Variants in CCM2 observed in about 807,000 individuals in gnomAD.
CCM2 encodes cerebral cavernous malformations 2 protein.
A neutral mutation model predicts 44.9 loss-of-function variants in CCM2; 25 were observed. The ratio of observed to expected loss-of-function variants is 0.56; its 90% confidence interval spans 0.41 to 0.78. CCM2 has a LOEUF of 0.78. Ranked by LOEUF, CCM2 falls within the 30% of genes least tolerant of loss-of-function variation. CCM2 has a pLI of 0.00. For missense variants in CCM2, 481 were observed against 580.6 expected, an observed-to-expected ratio of 0.83 and a Z score of 1.76; for synonymous variants, 219 against 241.1, an observed-to-expected ratio of 0.91 and a Z score of 0.85.
rs527289661 is a variant in CCM2, at chr7:45,063,915, C to T, written c.205-3C>T. ...TGGCATTTTTTTCTTCACTTTCTTT[C>T]AGTATTTAGGTCAGTTAACGTCCAT... On this transcript the variant is annotated splice_region_variant and splice_polypyrimidine_tract_variant and intron_variant, in intron 2 of 9. Coordinates refer to ENST00000258781, the MANE Select transcript of CCM2 (RefSeq NM_031443.4). 6.2e-6 allele frequency: 10 copies of T among 1,603,038 alleles called. No individual in the cohort carries two copies. Among genetic ancestry groups the T allele is most frequent in the South Asian group, 2.2e-5 (2 of 90,900 alleles).
In CCM2 at chr7:45,054,282, A is replaced by G. The variant is rs912456647; in HGVS notation, c.205-9636A>G. Among the ~76,000 whole-genome samples, 4 of 152,122 alleles carry G rather than the reference A, an allele frequency of 2.6e-5. No individual in the cohort carries two copies. In the South Asian group the frequency reaches 6.2e-4, roughly 24 times the overall value. The stretch of plus-strand genomic sequence containing the variant: ...GTGTGTGGGGGGCTTCTGTCGTACA[A>G]CAAAAGGGGATAGGTCACTTCTGTA... On this transcript the variant is annotated intron_variant, in intron 2 of 9. Coordinates refer to ENST00000258781, the MANE Select transcript of CCM2 (RefSeq NM_031443.4).
rs775824096 is a variant in CCM2, at chr7:45,068,599, C to G, written c.609+20C>G. 4 of 1,613,590 alleles carry G rather than the reference C, an allele frequency of 2.5e-6. No individual in the cohort carries two copies. The highest frequency in any genetic ancestry group is 3.4e-6 in the Non-Finnish European group (4 of 1,179,998). ...AGCAAGGTGAGACTTTCTCGCCCCACTTACTCAGAACTGGCTCCTCCCAGA... is the reference window on the plus strand; with the variant it reads ...AGCAAGGTGAGACTTTCTCGCCCCAGTTACTCAGAACTGGCTCCTCCCAGA... On this transcript the variant is annotated intron_variant, in intron 5 of 9. Transcript: ENST00000258781.
chr7:45,073,238 C>T, intron 7 of CCM2: 1 of 604,470 alleles, frequency 1.7e-6, no homozygotes, highest in Non-Finnish European at 3.0e-6. Flanking sequence ...TCTCTTCACT[C>T]AGAGCCCAAC....
At chr7:45,000,011 C>A (rs557489441), upstream of CCM2, among the ~76,000 whole-genome samples, 1 of 152,096 alleles carries the variant, frequency 6.6e-6, no homozygotes, top group East Asian at 1.9e-4. Flanking sequence ...GTGCTCTCGC[C>A]GTGAGCGGGG....
At chr7:45,002,875 A>G (rs1019177085) in intron 1 of CCM2, among the ~76,000 whole-genome samples, 6 of 152,170 alleles carry the variant, frequency 3.9e-5, no homozygotes, top group Admixed American at 1.3e-4. Flanking sequence ...GTCCATCTGA[A>G]GGAATGAGTG....
chr7:45,025,277 T>G (rs934284236), intron 1 of CCM2, among the ~76,000 whole-genome samples: 8 of 152,286 alleles, frequency 5.3e-5, no homozygotes, highest in Non-Finnish European at 1.0e-4. Flanking sequence ...GAATTCTTTT[T>G]GGGGGCTAAC....
intron 1 of CCM2, among the ~76,000 whole-genome samples, chr7:45,016,098 C>G (rs1166521271): frequency 1.3e-5 from 2 of 152,192 alleles, no homozygotes; most frequent in African/African-American, 2.4e-5. Context: ...TACTTTATTT[C>G]TTACAAAGAG....
At position 45,000,608 on chromosome 7, in the gene CCM2, G is replaced by T. The variant is rs140436865; in HGVS notation, c.30+245G>T. On this transcript the variant is annotated intron_variant, in intron 1 of 9. Coordinates refer to ENST00000258781, the MANE Select transcript of CCM2 (RefSeq NM_031443.4). ...GCTCGCCCCGACCTCGGCCCCAGAC[G>T]GCCTTCCCTGCGCGTCGGGACCTGG... is the stretch of plus-strand genomic sequence containing the variant. Among the ~76,000 whole-genome samples the T allele has an allele frequency of 6.6e-5, 10 of 152,274 alleles. No homozygotes were observed. The East Asian group carries it at 1.9e-3, about 29-fold the overall frequency.
In CCM2 at chr7:45,037,893, G is replaced by T. The variant is rs147542351; in HGVS notation, c.31-360G>T. Among the ~76,000 whole-genome samples, 41 of 152,346 alleles carry T rather than the reference G, an allele frequency of 2.7e-4. No homozygotes were observed. The East Asian group carries it at 7.5e-3, about 28-fold the overall frequency. ...TTCTCAGAAATGAAGTGTCCCAGCT[G>T]AGCTGGAAAGAGTTGGAGTGATGTT... is the stretch of plus-strand genomic sequence containing the variant. On this transcript the variant is annotated intron_variant, in intron 1 of 9. Coordinates refer to ENST00000258781, the MANE Select transcript of CCM2 (RefSeq NM_031443.4).
intron 4 of CCM2, among the ~76,000 whole-genome samples, chr7:45,066,670 T>G (rs1798790693): frequency 2.0e-5 from 3 of 152,070 alleles, no homozygotes; most frequent in Non-Finnish European, 4.4e-5. Flanking sequence ...GGTGATGACT[T>G]GAGTTGGTGC....
At chr7:45,045,977 C>T (rs1797736688) in intron 2 of CCM2, among the ~76,000 whole-genome samples, 1 of 152,064 alleles carries the variant, frequency 6.6e-6, no homozygotes, top group Non-Finnish European at 1.5e-5. Flanking sequence ...TGAAAGAAAT[C>T]AAAGATCTGA....
At chr7:45,062,889 T>C (rs964488366) in intron 2 of CCM2, among the ~76,000 whole-genome samples, 1 of 151,240 alleles carries the variant, frequency 6.6e-6, no homozygotes, top group African/African-American at 2.4e-5. Context: ...AGGGCACAGC[T>C]GGTGAGGGGC....
chr7:45,018,000 G>C (rs1796331745), intron 1 of CCM2, among the ~76,000 whole-genome samples: 1 of 152,150 alleles, frequency 6.6e-6, no homozygotes. Flanking sequence ...TGACACCAGG[G>C]ACCGGTTTCG....
At chr7:45,035,945 C>T (rs1413052896) in intron 1 of CCM2, among the ~76,000 whole-genome samples, 2 of 152,114 alleles carry the variant, frequency 1.3e-5, no homozygotes, top group Non-Finnish European at 2.9e-5. Context: ...ACATATCAGA[C>T]GTGCTCAGAA....
intron 2 of CCM2, among the ~76,000 whole-genome samples, chr7:45,041,574 C>G (rs374022196): frequency 6.6e-6 from 1 of 152,136 alleles, no homozygotes; most frequent in African/African-American, 2.4e-5. Flanking sequence ...CTCCTTCTGA[C>G]CAAAGGACCA....
Position 45,000,241 on chromosome 7 carries a change from G to T in CCM2, c.-93G>T. 1 of 804,978 alleles carries T rather than the reference G, an allele frequency of 1.2e-6. No homozygotes were observed. Among genetic ancestry groups the T allele is most frequent in the Non-Finnish European group, 1.5e-6 (1 of 657,664 alleles). 49.9% of individuals were successfully genotyped at this position (804,978 alleles called of 1,614,324 possible). On this transcript the variant is annotated 5_prime_UTR_variant, in exon 1 of 10. Coordinates refer to ENST00000258781, the MANE Select transcript of CCM2 (RefSeq NM_031443.4). Reference sequence around the variant, plus strand: ...GGCTGGCGGGCGGCGCCGGGAGCGCGGGGGCGGCGGGCCCGGGTCGAGCAT... The same window carrying T: ...GGCTGGCGGGCGGCGCCGGGAGCGCTGGGGCGGCGGGCCCGGGTCGAGCAT...
chr7:45,001,050 C>T (rs1304460202), intron 1 of CCM2, among the ~76,000 whole-genome samples: 1 of 152,168 alleles, frequency 6.6e-6, no homozygotes, highest in African/African-American at 2.4e-5. Flanking sequence ...CAAATAAATG[C>T]TTTATAATCT....
At chr7:45,047,230 A>G (rs1477410456) in intron 2 of CCM2, among the ~76,000 whole-genome samples, 1 of 152,230 alleles carries the variant, frequency 6.6e-6, no homozygotes, top group African/African-American at 2.4e-5. Flanking sequence ...TCCCAGGGAA[A>G]TGAAAATTTA....
At chr7:45,002,829 C>A (rs1406776649) in intron 1 of CCM2, among the ~76,000 whole-genome samples, 1 of 152,120 alleles carries the variant, frequency 6.6e-6, no homozygotes, top group Admixed American at 6.5e-5. Context: ...GAGCTTGTGG[C>A]CCCCAGGAGC....
Sources: gnomAD v4.1 joint callset for allele counts (sites outside exome capture counted in the v4.1 genomes callset) on GRCh38, gnomAD v4.1.1 for gene constraint, MANE v1.5 for transcripts, NCBI Gene and HGNC (gene_info 2026-07-23, HGNC 2026-07-21) for gene names.